Variants in SGCZ observed in about 807,000 individuals in gnomAD.
SGCZ encodes the protein sarcoglycan zeta.
In SGCZ, 40 loss-of-function variants were observed where a neutral mutation model predicts 41.3. The ratio of observed to expected loss-of-function variants is 0.97; its 90% CI spans 0.75 to 1.26. SGCZ has a LOEUF of 1.26. Among genes scored for constraint, SGCZ ranks in the 50% most tolerant of loss-of-function variants. The pLI is 0.00. For missense variants in SGCZ, 552 were observed against 369.8 expected (o/e 1.49, Z -4.04); for synonymous variants, 206 against 137.5 (o/e 1.50, Z -3.49).
intron 2 of SGCZ, among the ~76,000 whole-genome samples, chr8:14,423,850 C>T (rs554416623): frequency 4.6e-5 from 7 of 152,280 alleles, no homozygotes; most frequent in South Asian, 2.1e-4. Context: ...CCCCTTCCTT[C>T]TTTCTCTGCC....
At chr8:14,196,494 A>T (rs538903320) in intron 4 of SGCZ, among the ~76,000 whole-genome samples, 1 of 152,294 alleles carries the variant, frequency 6.6e-6, no homozygotes, top group East Asian at 1.9e-4. Context: ...TGTTTTAAAT[A>T]AACACAAATT....
At chr8:14,712,392 A>C (rs557853288) in intron 1 of SGCZ, among the ~76,000 whole-genome samples, 36 of 152,324 alleles carry the variant, frequency 2.4e-4, no homozygotes, top group South Asian at 1.4e-3. Context: ...CCATTTTTAC[A>C]GAGGCATCAT....
intron 1 of SGCZ, among the ~76,000 whole-genome samples, chr8:14,919,137 T>C (rs1799519200): frequency 6.6e-6 from 1 of 152,182 alleles, no homozygotes; most frequent in Non-Finnish European, 1.5e-5. Context: ...TATTTATGCT[T>C]GTTAAATAAA....
chr8:14,662,008 C>A (rs12541555), intron 1 of SGCZ, among the ~76,000 whole-genome samples: 38,331 of 151,776 alleles, frequency 0.25, 5,297 homozygotes, highest in East Asian at 0.48. Flanking sequence ...ATTATTATAC[C>A]AAAAGATTTG....
chr8:14,445,570 A>T (rs551764521), intron 2 of SGCZ, among the ~76,000 whole-genome samples: 7 of 152,222 alleles, frequency 4.6e-5, no homozygotes, highest in Non-Finnish European at 1.0e-4. Context: ...TCTCCACTGA[A>T]AACCATTTCC....
At chr8:14,965,978 C>T (rs770015773) in intron 1 of SGCZ, among the ~76,000 whole-genome samples, 5 of 152,004 alleles carry the variant, frequency 3.3e-5, no homozygotes, top group African/African-American at 4.8e-5. Flanking sequence ...CTACAGAATG[C>T]TCTCAAGCAG....
At chr8:14,802,676 T>G in intron 1 of SGCZ, among the ~76,000 whole-genome samples, 1 of 152,178 alleles carries the variant, frequency 6.6e-6, no homozygotes, top group Non-Finnish European at 1.5e-5. Flanking sequence ...TCCCCAAAAC[T>G]AAATATACAA....
intron 1 of SGCZ, among the ~76,000 whole-genome samples, chr8:14,625,708 G>C (rs1192984680): frequency 2.0e-5 from 3 of 152,062 alleles, no homozygotes; most frequent in Admixed American, 6.6e-5. Flanking sequence ...TGGGATTAAA[G>C]GCATGAGCCA....
intron 1 of SGCZ, among the ~76,000 whole-genome samples, chr8:15,180,302 T>A (rs983423312): frequency 7.2e-5 from 11 of 152,336 alleles, no homozygotes; most frequent in African/African-American, 2.6e-4. Context: ...ATACTGTCTT[T>A]TCCACTGGCT....
chr8:14,745,526 G>A (rs1027385075), intron 1 of SGCZ, among the ~76,000 whole-genome samples: 2 of 152,072 alleles, frequency 1.3e-5, no homozygotes, highest in African/African-American at 4.8e-5. Flanking sequence ...AGGCTGCAGT[G>A]ATCTATGATC....
chr8:14,681,553 A>G (rs1808447026), intron 1 of SGCZ, among the ~76,000 whole-genome samples: 2 of 152,158 alleles, frequency 1.3e-5, no homozygotes, highest in Admixed American at 1.3e-4. Flanking sequence ...CGGACTTCGA[A>G]TGATATAAAG....
At chr8:14,562,191 A>AT (rs1437857409) in intron 1 of SGCZ, among the ~76,000 whole-genome samples, 1 of 152,162 alleles carries the variant, frequency 6.6e-6, no homozygotes, top group Non-Finnish European at 1.5e-5. Flanking sequence ...AAATTTACTA[A>AT]TAATTCCAAA....
chr8:14,730,400 T>C (rs964315706), intron 1 of SGCZ, among the ~76,000 whole-genome samples: 2 of 152,152 alleles, frequency 1.3e-5, no homozygotes, highest in African/African-American at 2.4e-5. Flanking sequence ...CAAAAATCAG[T>C]AAAATCGATT....
At chr8:14,145,451 G>C (rs772477394) in intron 5 of SGCZ, among the ~76,000 whole-genome samples, 1 of 152,120 alleles carries the variant, frequency 6.6e-6, no homozygotes, top group Non-Finnish European at 1.5e-5. Context: ...ATACCCGAAA[G>C]TCTTCCAGAG....
chr8:15,025,785 G>A (rs1803433878), intron 1 of SGCZ, among the ~76,000 whole-genome samples: 1 of 152,126 alleles, frequency 6.6e-6, no homozygotes, highest in African/African-American at 2.4e-5. Context: ...ATTATACATA[G>A]ATATTTATTT....
intron 2 of SGCZ, among the ~76,000 whole-genome samples, chr8:14,383,720 CAT>C (rs1306237741): frequency 6.6e-6 from 1 of 151,782 alleles, no homozygotes. Context: ...AAGAGTGAAA[CAT>C]ATTCAGCGGA....
At chr8:14,424,881 G>A (rs1332241405) in intron 2 of SGCZ, among the ~76,000 whole-genome samples, 1 of 152,110 alleles carries the variant, frequency 6.6e-6, no homozygotes, top group South Asian at 2.1e-4. Context: ...TAAAATAAAT[G>A]AGCAATTTTA....
intron 1 of SGCZ, among the ~76,000 whole-genome samples, chr8:14,590,077 C>G (rs117439198): frequency 6.6e-6 from 1 of 151,482 alleles, no homozygotes; most frequent in East Asian, 1.9e-4. Flanking sequence ...TAAGAATTGA[C>G]TTCCCAAATT....
intron 1 of SGCZ, among the ~76,000 whole-genome samples, chr8:15,103,284 C>G (rs184625590): frequency 1.3e-5 from 2 of 152,132 alleles, no homozygotes; most frequent in East Asian, 1.9e-4. Flanking sequence ...GCCTGTATAC[C>G]CAGCTACTGG....
Sources: gnomAD v4.1 joint callset for allele counts (sites outside exome capture counted in the v4.1 genomes callset) on GRCh38, gnomAD v4.1.1 for gene constraint, MANE v1.5 for transcripts, NCBI Gene and HGNC (gene_info 2026-07-23, HGNC 2026-07-21) for gene names.